NRG2: variants seen among roughly 807,000 people sequenced by gnomAD.
NRG2 encodes pro-neuregulin-2, membrane-bound isoform.
Under a neutral mutation model 73.9 loss-of-function variants are expected in NRG2, and 27 were observed. That is an observed-to-expected ratio of 0.37 (90% CI 0.27 to 0.50). The LOEUF is 0.50. Ranked by LOEUF, NRG2 falls within the 20% of genes least tolerant of loss-of-function variation. The probability of loss-of-function intolerance (pLI) is 0.96; values close to 1 mark genes in which losing one functional copy is unlikely to be tolerated. For synonymous variants in NRG2, 532 were observed against 541.0 expected (o/e 0.98, Z 0.23); for missense variants, 1,126 against 1,210.1 (o/e 0.93, Z 1.03).
intron 1 of NRG2, among the ~76,000 whole-genome samples, chr5:140,017,945 C>T (rs1267466587): frequency 4.6e-5 from 7 of 152,036 alleles, no homozygotes; most frequent in African/African-American, 1.7e-4. Flanking sequence ...GGAGGACTGG[C>T]CTCAGACTAG....
intron 1 of NRG2, among the ~76,000 whole-genome samples, chr5:139,967,343 A>G (rs1333323908): frequency 6.6e-6 from 1 of 152,222 alleles, no homozygotes; most frequent in African/African-American, 2.4e-5. Context: ...CCACTCAGAC[A>G]TTCTCAGGAC....
chr5:140,015,703 A>G (rs1203318106), intron 1 of NRG2, among the ~76,000 whole-genome samples: 1 of 152,254 alleles, frequency 6.6e-6, no homozygotes, highest in Non-Finnish European at 1.5e-5. Flanking sequence ...GAAGTGGTCC[A>G]GTAAACACAA....
At chr5:139,953,308 G>C (rs1398165272) in intron 1 of NRG2, among the ~76,000 whole-genome samples, 1 of 152,180 alleles carries the variant, frequency 6.6e-6, no homozygotes, top group Admixed American at 6.5e-5. Context: ...CCTGGGGAAG[G>C]GGGTCCTGAG....
At chr5:139,861,810 G>A in intron 5 of NRG2, 1 of 499,796 alleles carries the variant, frequency 2.0e-6, no homozygotes, top group Non-Finnish European at 4.0e-6. Context: ...GTGGCCCAGG[G>A]ACCCTTCAGG....
chr5:139,980,349 CA>C (rs10630492), intron 1 of NRG2, among the ~76,000 whole-genome samples: 530 of 139,612 alleles, frequency 3.8e-3, no homozygotes, highest in Middle Eastern at 3.6e-3. Flanking sequence ...ACAGCATCAC[CA>C]AAAAAAAAAA....
At chr5:139,911,048 T>C (rs532682263) in intron 1 of NRG2, among the ~76,000 whole-genome samples, 5 of 151,404 alleles carry the variant, frequency 3.3e-5, no homozygotes, top group African/African-American at 9.7e-5. Flanking sequence ...CAAGCAGCAA[T>C]GGGAGAGCAA....
At chr5:139,872,575 C>T (rs983291083) in intron 3 of NRG2, among the ~76,000 whole-genome samples, 3 of 152,094 alleles carry the variant, frequency 2.0e-5, no homozygotes, top group Non-Finnish European at 4.4e-5. Flanking sequence ...GAGGGAGCCT[C>T]CAGGTCTCGG....
chr5:139,852,792 A>G lies in NRG2; in HGVS notation c.1416+112T>C. The G allele has an allele frequency of 1.3e-6, 2 of 1,533,746 alleles. No homozygotes were observed. The highest frequency in any genetic ancestry group is 4.0e-5 in the Admixed American group (2 of 49,856). ...CCTGGTGAGGCAGTGCCTAGCAGGC[A>G]AGGCTGGCCATGGGATAGGCTGGCT... On this transcript the variant is annotated intron_variant, in intron 7 of 9. Coordinates refer to ENST00000361474, the MANE Select transcript of NRG2 (RefSeq NM_004883.3). This position sits in a 1 kb window ranked among gnomAD's most constrained non-coding sequence, Gnocchi z 4.4.
intron 6 of NRG2, among the ~76,000 whole-genome samples, chr5:139,855,281 G>C (rs1331239924): frequency 6.6e-6 from 1 of 152,222 alleles, no homozygotes; most frequent in East Asian, 1.9e-4. Context: ...CCAGGAGCCT[G>C]TGGGGTCAGC....
intron 1 of NRG2, among the ~76,000 whole-genome samples, chr5:139,974,661 C>T (rs1274243423): frequency 6.6e-6 from 1 of 152,192 alleles, no homozygotes; most frequent in Non-Finnish European, 1.5e-5. Flanking sequence ...TTCCAGCCTC[C>T]TCTTCCTCCT....
At chr5:139,889,292 T>C (rs1473999461) in intron 1 of NRG2, among the ~76,000 whole-genome samples, 2 of 152,192 alleles carry the variant, frequency 1.3e-5, no homozygotes, top group African/African-American at 4.8e-5. Flanking sequence ...TGTTTGTGTA[T>C]ATATATATTT....
Position 139,852,683 on chromosome 5 carries a change from T to C in NRG2, c.1417-124A>G. ...GTTGGGGAGACCCACTGTGTGAGAG[T>C]GACTTGATGTTGGGGCAGCGATGGC... is the stretch of plus-strand genomic sequence containing the variant. On this transcript the variant is annotated intron_variant, in intron 7 of 9. Coordinates refer to ENST00000361474, the MANE Select transcript of NRG2 (RefSeq NM_004883.3). This position sits in a 1 kb window ranked among gnomAD's most constrained non-coding sequence, Gnocchi z 4.4. 1 of 1,459,788 alleles carries C rather than the reference T, an allele frequency of 6.9e-7. No homozygotes were observed. Among genetic ancestry groups the C allele is most frequent in the Non-Finnish European group, 9.3e-7 (1 of 1,073,462 alleles). The allele number at this position is 1,459,788 out of a possible 1,614,324, so 90.4% of individuals were successfully genotyped here. A position where few individuals can be genotyped will look rare whatever the true frequency, so the allele number is the denominator to read the frequency against.
chr5:139,977,630 T>C (rs1275355376), intron 1 of NRG2, among the ~76,000 whole-genome samples: 4 of 152,182 alleles, frequency 2.6e-5, no homozygotes, highest in African/African-American at 9.7e-5. Context: ...GAGCCTGCAT[T>C]GCCAAGTCAA....
chr5:139,946,257 G>A (rs1218498370), intron 1 of NRG2, among the ~76,000 whole-genome samples: 1 of 151,944 alleles, frequency 6.6e-6, no homozygotes, highest in Non-Finnish European at 1.5e-5. Context: ...ATCAGAATAA[G>A]GACAGAAACA....
chr5:139,848,754 GGGGGTTGGGGGT>G, intron 9 of NRG2, 57 bp from the exon 10 acceptor site: 1 of 817,102 alleles, frequency 1.2e-6, no homozygotes, highest in Non-Finnish European at 1.7e-6. Context: ...GCGGGGGAGG[GGGGGTTGGGGGT>G]GGGGTAGGGT....
chr5:139,923,060 T>C (rs1751793720), intron 1 of NRG2, among the ~76,000 whole-genome samples: 1 of 152,216 alleles, frequency 6.6e-6, no homozygotes, highest in Admixed American at 6.5e-5. Flanking sequence ...ACCCATAGAA[T>C]GTACAACATC....
chr5:139,974,717 C>A (rs1756249662), intron 1 of NRG2, among the ~76,000 whole-genome samples: 1 of 152,180 alleles, frequency 6.6e-6, no homozygotes. Flanking sequence ...AGATCAGAGG[C>A]CTCAGAAATG....
intron 1 of NRG2, among the ~76,000 whole-genome samples, chr5:139,957,835 A>G (rs1023737793): frequency 2.0e-5 from 3 of 152,176 alleles, no homozygotes; most frequent in Non-Finnish European, 4.4e-5. Context: ...AGATGGTGGA[A>G]GAGAAGCCCC....
intron 1 of NRG2, among the ~76,000 whole-genome samples, chr5:140,036,665 G>C (rs1214695985): frequency 1.3e-5 from 2 of 152,134 alleles, no homozygotes; most frequent in Non-Finnish European, 2.9e-5. Context: ...TGGGAGGAGA[G>C]GGTTAATTTG....
Sources: gnomAD v4.1 joint callset for allele counts (sites outside exome capture counted in the v4.1 genomes callset) on GRCh38, gnomAD v4.1.1 for gene constraint, Gnocchi (gnomAD v3.1) non-coding constraint, MANE v1.5 for transcripts, NCBI Gene and HGNC (gene_info 2026-07-23, HGNC 2026-07-21) for gene names.